The following ZNF611 variants were observed in gnomAD, a reference collection of about 807,000 sequenced individuals.
ZNF611 encodes the protein zinc finger protein 611.
In ZNF611, 6 loss-of-function variants were observed where a neutral mutation model predicts 8.9. The observed-to-expected ratio is 0.68, with a 90% CI of 0.37 to 1.34. The LOEUF is 1.34. Ranked by LOEUF, ZNF611 falls within the 40% of genes most tolerant of loss-of-function variation. ZNF611 has a pLI of 0.02. For synonymous variants in ZNF611, 262 were observed against 279.7 expected (o/e 0.94, Z 0.63); for missense variants, 874 against 841.3 (o/e 1.04, Z -0.48).
chr19:52,704,748 G>A lies in ZNF611; in HGVS notation c.*189C>T. On this transcript the variant is annotated 3_prime_UTR_variant, in exon 6 of 6. Transcript: ENST00000652185. Reference sequence around the variant, plus strand: ...GAATAAGTGTTGACTGCTTGCCAAAGGCTTTGCCACACTCATTACACTTGT... The same window carrying A: ...GAATAAGTGTTGACTGCTTGCCAAAAGCTTTGCCACACTCATTACACTTGT... 1.3e-6 allele frequency: 2 copies of A among 1,598,578 alleles called. No individual in the cohort carries two copies. The highest frequency in any genetic ancestry group is 1.7e-6 in the Non-Finnish European group (2 of 1,167,088).
chr19:52,715,006 A>C (rs1226264851), intron 4 of ZNF611, among the ~76,000 whole-genome samples: 2 of 150,772 alleles, frequency 1.3e-5, no homozygotes, highest in African/African-American at 2.5e-5. Flanking sequence ...CACACACACA[A>C]AAACAAAACA....
rs540328811 is a variant in ZNF611 at position 52,704,244 on chromosome 19, T to C, written c.*693A>G. On this transcript the variant is annotated 3_prime_UTR_variant, in exon 6 of 6. Transcript: ENST00000652185. ...GACTCCAATGTCAATTAATGCTTGA[T>C]GGTTTGCTATACTCATTTCATTGGG... 3.2e-4 allele frequency: 143 copies of C among 447,902 alleles called. 1 individual carries two copies. In the East Asian group the frequency reaches 7.2e-3, roughly 22 times the overall value. The allele number at this position is 447,902 out of a possible 1,614,324, so 27.7% of individuals were successfully genotyped here. A position where few individuals can be genotyped will look rare whatever the true frequency, so the allele number is the denominator to read the frequency against.
rs2062238541 is a variant in ZNF611 at position 52,705,845 on chromosome 19, C to T, written c.1210G>A (p.Asp404Asn). ...TGTGAATGCCACGTGAAAGCTGTGTCACAAACCTTACATCTGTATGGTTTC... is the reference window on the plus strand; with the variant it reads ...TGTGAATGCCACGTGAAAGCTGTGTTACAAACCTTACATCTGTATGGTTTC... ...GEKPYRCKVC[D>N]TAFTWHSQLA... The change falls in exon 6 of 6, where the codon GAC becomes AAC. Residue 404 changes from aspartate (D) to asparagine (N), a missense_variant. By Grantham distance (23) the Asp-to-Asn change is conservative. Coordinates refer to ENST00000652185, the MANE Select transcript of ZNF611 (RefSeq NM_001161499.2). 4 of 1,614,040 alleles carry T rather than the reference C, an allele frequency of 2.5e-6. No individual in the cohort carries two copies. Among genetic ancestry groups the T allele is most frequent in the Non-Finnish European group, 3.4e-6 (4 of 1,180,014 alleles).
rs1194166310 is a variant in ZNF611, at chr19:52,706,362, G to C, written c.693C>G (p.Phe231Leu). Residue 231 changes from phenylalanine to leucine, a missense_variant, in exon 6 of 6, where the codon TTC (phenylalanine) becomes TTG (leucine). Physicochemically the swap from Phe to Leu is conservative, Grantham distance 22. Coordinates refer to ENST00000652185, the MANE Select transcript of ZNF611 (RefSeq NM_001161499.2). ...AGGCTTTGCCACTCTTATTACATTG[G>C]AAAGATTTTTCTCTCATGTGTACTT... ...KQEVHMREKSFQCNKSGKAFN... is the reference protein window; with the variant it reads ...KQEVHMREKSLQCNKSGKAFN... 5.6e-6 allele frequency: 9 copies of C among 1,614,042 alleles called. No homozygotes were observed. The Admixed American group carries it at 6.7e-5, about 12-fold the overall frequency.
intron 5 of ZNF611, chr19:52,711,351 C>G (rs201523533): frequency 8.6e-6 from 1 of 115,682 alleles, no homozygotes; most frequent in Non-Finnish European, 1.8e-5. Context: ...CAAAACTAAA[C>G]AAAAAACAAA....
intron 3 of ZNF611, among the ~76,000 whole-genome samples, chr19:52,723,042 T>C (rs56704961): frequency 0.038 from 5,722 of 151,172 alleles, 344 homozygotes; most frequent in African/African-American, 0.13. Context: ...CCACTGCGCC[T>C]GGCCCCTCTT....
chr19:52,706,176 G>A lies in ZNF611; in HGVS notation c.879C>T (p.Gly293=), dbSNP rs774970232. Residue 293 remains glycine (G), a synonymous_variant, in exon 6 of 6, where the codon GGC becomes GGT. Coordinates refer to ENST00000652185, the MANE Select transcript of ZNF611 (RefSeq NM_001161499.2). Reference sequence around the variant, plus strand: ...GGGATGACTCCTGACTGAAGGTCTTGCCACACTCTTTACACTTGTAAGGTT... The same window carrying A: ...GGGATGACTCCTGACTGAAGGTCTTACCACACTCTTTACACTTGTAAGGTT... ...VEKPYKCKEC[G]KTFSQESSLT... The A allele has an allele frequency of 1.2e-6, 2 of 1,614,130 alleles. No individual in the cohort carries two copies. The highest frequency in any genetic ancestry group is 1.1e-5 in the South Asian group (1 of 91,076).
chr19:52,717,707 T>C, intron 3 of ZNF611: 2 of 984,736 alleles, frequency 2.0e-6, no homozygotes, highest in Non-Finnish European at 2.4e-6. Flanking sequence ...GAGAATATTA[T>C]GGACCAGAGG....
rs559700086 is a variant in ZNF611 at position 52,717,624 on chromosome 19, C to T, written c.-19-1711G>A. 176 of 938,750 alleles carry T rather than the reference C, an allele frequency of 1.9e-4. 1 individual carries two copies. The African/African-American group carries it at 2.9e-3, about 16-fold the overall frequency. 58.2% of individuals were successfully genotyped at this position (938,750 alleles called of 1,614,324 possible). A position where few individuals can be genotyped will look rare whatever the true frequency, so the allele number is the denominator to read the frequency against. On this transcript the variant is annotated intron_variant, in intron 3 of 5. Coordinates refer to ENST00000652185, the MANE Select transcript of ZNF611 (RefSeq NM_001161499.2). ...TGTAGAAATGGGATCTGAGCAAATG[C>T]TTTTCTCATGAACACATGGGCTCTG...
chr19:52,704,349 T>G lies in ZNF611; in HGVS notation c.*588A>C. On this transcript the variant is annotated 3_prime_UTR_variant, in exon 6 of 6. Coordinates refer to ENST00000652185, the MANE Select transcript of ZNF611 (RefSeq NM_001161499.2). ...TGAAGACCTTGCCACACTGATGACATTTGTAAGATTTCTGTCCAGTATAGA... is the reference window on the plus strand; with the variant it reads ...TGAAGACCTTGCCACACTGATGACAGTTGTAAGATTTCTGTCCAGTATAGA... The G allele has an allele frequency of 3.3e-6, 2 of 611,800 alleles. No individual in the cohort carries two copies. The highest frequency in any genetic ancestry group is 3.2e-6 in the Non-Finnish European group (1 of 313,454). The allele number at this position is 611,800 out of a possible 1,614,324, so 37.9% of individuals were successfully genotyped here.
At chr19:52,715,432 CCTT>C (rs1356028573) in intron 4 of ZNF611, among the ~76,000 whole-genome samples, 3 of 152,158 alleles carry the variant, frequency 2.0e-5, no homozygotes, top group African/African-American at 4.8e-5. Flanking sequence ...AAATCTCTCT[CCTT>C]ATTATTCTCC....
At chr19:52,724,237 AG>A (rs2147441756) in intron 3 of ZNF611, 1 of 152,364 alleles carries the variant, frequency 6.6e-6, no homozygotes, top group Admixed American at 6.5e-5. Context: ...TCTTGGGCAG[AG>A]GTCCCTGCGG....
At chr19:52,729,397 G>A (rs955910563) in intron 2 of ZNF611, among the ~76,000 whole-genome samples, 1 of 148,894 alleles carries the variant, frequency 6.7e-6, no homozygotes, top group African/African-American at 2.5e-5. Context: ...GGAGACTGAG[G>A]CACAAGGATC....
Position 52,704,246 on chromosome 19 carries a change from G to C in ZNF611, c.*691C>G, listed in dbSNP as rs2062224324. 2 of 451,658 alleles carry C rather than the reference G, an allele frequency of 4.4e-6. No individual in the cohort carries two copies. Among genetic ancestry groups the C allele is most frequent in the Non-Finnish European group, 8.9e-6 (2 of 225,232 alleles). The allele number at this position is 451,658 out of a possible 1,614,324, so 28.0% of individuals were successfully genotyped here. On this transcript the variant is annotated 3_prime_UTR_variant, in exon 6 of 6. Coordinates refer to ENST00000652185, the MANE Select transcript of ZNF611 (RefSeq NM_001161499.2). ...CTCCAATGTCAATTAATGCTTGATGGTTTGCTATACTCATTTCATTGGGAA... is the reference window on the plus strand; with the variant it reads ...CTCCAATGTCAATTAATGCTTGATGCTTTGCTATACTCATTTCATTGGGAA...
intron 5 of ZNF611, among the ~76,000 whole-genome samples, chr19:52,712,975 C>T (rs1421855052): frequency 1.3e-5 from 2 of 152,170 alleles, no homozygotes; most frequent in African/African-American, 4.8e-5. Context: ...AACTGAATCA[C>T]GTCAGGCCAG....
chr19:52,727,907 C>CTTTTTTT (rs11319896), intron 3 of ZNF611, among the ~76,000 whole-genome samples: 1 of 105,882 alleles, frequency 9.4e-6, no homozygotes, highest in Admixed American at 1.0e-4. Context: ...TGTTGTGTGC[C>CTTTTTTT]TTTTTTTTTT....
Position 52,706,198 on chromosome 19 carries a change from G to T in ZNF611, c.857C>A (p.Pro286His), listed in dbSNP as rs2062243072. Residue 286 changes from proline to histidine, a missense_variant, in exon 6 of 6, where the codon CCT becomes CAT. By Grantham distance (77) the Pro-to-His change is moderately conservative. Coordinates refer to ENST00000652185, the MANE Select transcript of ZNF611 (RefSeq NM_001161499.2). ...CTTGCCACACTCTTTACACTTGTAA[G>T]GTTTCTCAACAGTGTGACATCTATC... Reference protein sequence around the residue: ...CHDRCHTVEKPYKCKECGKTF... With the variant: ...CHDRCHTVEKHYKCKECGKTF... The T allele has an allele frequency of 1.2e-6, 2 of 1,613,994 alleles. No individual in the cohort carries two copies. The highest frequency in any genetic ancestry group is 2.7e-5 in the African/African-American group (2 of 74,916).
At chr19:52,707,929 T>C (rs2062255986) in intron 5 of ZNF611, among the ~76,000 whole-genome samples, 1 of 151,958 alleles carries the variant, frequency 6.6e-6, no homozygotes, top group Admixed American at 6.6e-5. Context: ...CTGCACCTGG[T>C]GGCACTTTGT....
At chr19:52,733,271 C>T (rs1277376044) in intron 1 of ZNF611, among the ~76,000 whole-genome samples, 1 of 152,118 alleles carries the variant, frequency 6.6e-6, no homozygotes, top group Admixed American at 6.5e-5. Flanking sequence ...ATCCAATGAA[C>T]TCACCCACTC....
Sources: gnomAD v4.1 joint callset for allele counts (sites outside exome capture counted in the v4.1 genomes callset) on GRCh38, gnomAD v4.1.1 for gene constraint, MANE v1.5 for transcripts, NCBI Gene and HGNC (gene_info 2026-07-23, HGNC 2026-07-21) for gene names.